PRPF6: variants seen among roughly 807,000 people sequenced by gnomAD.
PRPF6 encodes the protein pre-mRNA processing factor 6.
PRPF6 carries 42 observed loss-of-function variants against 118.3 expected under a neutral mutation model. The observed-to-expected ratio is 0.35, with a 90% confidence interval of 0.28 to 0.46. The LOEUF (loss-of-function observed/expected upper bound fraction) is 0.46. Ranked by LOEUF, PRPF6 falls within the 20% of genes least tolerant of loss-of-function variation. The pLI, the probability that PRPF6 is intolerant of heterozygous loss-of-function variation, is 1.00. For missense variants in PRPF6, 662 were observed against 1,255.7 expected, an observed-to-expected ratio of 0.53 and a Z score of 7.15; for synonymous variants, 481 against 485.1, an observed-to-expected ratio of 0.99 and a Z score of 0.11.
chr20:63,986,488 TC>T (rs1469945210), intron 3 of PRPF6, among the ~76,000 whole-genome samples: 13 of 150,292 alleles, frequency 8.6e-5, no homozygotes, highest in Non-Finnish European at 1.6e-4. Context: ...AACCATATGA[TC>T]TTTTTTTTTT....
chr20:64,031,884 C>T, intron 19 of PRPF6, 34 bp from the exon 20 acceptor site: 1 of 1,613,904 alleles, frequency 6.2e-7, no homozygotes, highest in Non-Finnish European at 8.5e-7. Flanking sequence ...CCTGCAGCCA[C>T]TCACTCTGGG....
chr20:64,019,019 T>C (rs989740388), intron 12 of PRPF6, among the ~76,000 whole-genome samples: 1 of 151,930 alleles, frequency 6.6e-6, no homozygotes, highest in Non-Finnish European at 1.5e-5. Context: ...TCCTGCCCCA[T>C]GTATGCTAAA....
chr20:64,033,096 C>T lies in PRPF6; in HGVS notation c.*103C>T. 6.6e-7 allele frequency: 1 copy of T among 1,519,636 alleles called. No individual in the cohort carries two copies. The highest frequency in any genetic ancestry group is 1.2e-5 in the South Asian group (1 of 85,726). 94.1% of individuals were successfully genotyped at this position (1,519,636 alleles called of 1,614,324 possible). A position where few individuals can be genotyped will look rare whatever the true frequency, so the allele number is the denominator to read the frequency against. ...CATTAAAAGTTTTTATGTCTCGTGT[C>T]AGAACAGGCAGCCTGCTGGTTTTCT... On this transcript the variant is annotated 3_prime_UTR_variant, in exon 21 of 21. Coordinates refer to ENST00000266079, the MANE Select transcript of PRPF6 (RefSeq NM_012469.4).
intron 11 of PRPF6, among the ~76,000 whole-genome samples, chr20:64,016,328 C>G (rs1467790991): frequency 6.6e-6 from 1 of 151,984 alleles, no homozygotes; most frequent in Non-Finnish European, 1.5e-5. Flanking sequence ...AGGGTTTCAC[C>G]AGGTTGGCCA....
At chr20:64,024,457 A>T in intron 13 of PRPF6, 98 bp from the exon 14 acceptor site, 1 of 1,484,374 alleles carries the variant, frequency 6.7e-7, no homozygotes, top group South Asian at 1.1e-5. Context: ...ACTTTGGAGC[A>T]GTAACTGTCT....
At chr20:64,009,544 G>A (rs1159156613) in intron 9 of PRPF6, among the ~76,000 whole-genome samples, 1 of 152,084 alleles carries the variant, frequency 6.6e-6, no homozygotes, top group Non-Finnish European at 1.5e-5. Context: ...CCAATATGGT[G>A]AAACCCCGTC....
rs368101002 is a variant in PRPF6, at chr20:64,027,205, C to T, written c.2205+47C>T. On this transcript the variant is annotated intron_variant, in intron 16 of 20. Transcript: ENST00000266079. This position sits in a 1 kb window ranked among gnomAD's most constrained non-coding sequence, Gnocchi z 6.5. Reference sequence around the variant, plus strand: ...GGGGCTGCAGCTGACCCGGCATTCACAAAACTGAGCCCCCTGGTGCAGGGT... The same window carrying T: ...GGGGCTGCAGCTGACCCGGCATTCATAAAACTGAGCCCCCTGGTGCAGGGT... 1.0e-5 allele frequency: 16 copies of T among 1,605,196 alleles called. No homozygotes were observed. The African/African-American group carries it at 2.1e-4, about 21-fold the overall frequency.
rs1197425136 is a variant in PRPF6 at position 64,028,108 on chromosome 20, G to C, written c.2340-370G>C. ...CTGCTAGGTGCAGGCTCTGTTCATG[G>C]AGGTGCTGCGTCCAGCTCAGGGTGA... On this transcript the variant is annotated intron_variant, in intron 17 of 20. Coordinates refer to ENST00000266079, the MANE Select transcript of PRPF6 (RefSeq NM_012469.4). The surrounding 1 kb of genome is among the most constrained non-coding windows in gnomAD (Gnocchi z 6.5). Among the ~76,000 whole-genome samples, 1 of 152,168 alleles carries C rather than the reference G, an allele frequency of 6.6e-6. No homozygotes were observed. Among genetic ancestry groups the C allele is most frequent in the Non-Finnish European group, 1.5e-5 (1 of 68,028 alleles).
At chr20:63,995,229 T>A in intron 5 of PRPF6, 98 bp from the exon 6 acceptor site, 1 of 1,569,892 alleles carries the variant, frequency 6.4e-7, no homozygotes, top group South Asian at 1.1e-5. Context: ...CAGCTGTGCA[T>A]ATGTCAGGCC....
Position 63,983,034 on chromosome 20 carries a change from G to A in PRPF6, c.72-13G>A. ...GTTATTCAGACACCCGGTGTCTTGG[G>A]GGTCTCCTGCAGCGCCACTGGCTTC... On this transcript the variant is annotated splice_polypyrimidine_tract_variant and intron_variant, in intron 1 of 20. Coordinates refer to ENST00000266079, the MANE Select transcript of PRPF6 (RefSeq NM_012469.4). 2 of 1,613,574 alleles carry A rather than the reference G, an allele frequency of 1.2e-6. No homozygotes were observed. Among genetic ancestry groups the A allele is most frequent in the Non-Finnish European group, 1.7e-6 (2 of 1,179,828 alleles).
intron 7 of PRPF6, 39 bp downstream of exon 7, chr20:63,999,178 T>A: frequency 6.4e-7 from 1 of 1,552,736 alleles, no homozygotes; most frequent in Admixed American, 1.7e-5. Context: ...GGATGGAGAC[T>A]CTAGTTGCCT....
intron 3 of PRPF6, among the ~76,000 whole-genome samples, chr20:63,985,502 G>A (rs1273181819): frequency 6.6e-6 from 1 of 152,204 alleles, no homozygotes; most frequent in Non-Finnish European, 1.5e-5. Context: ...AACAGCCTTA[G>A]GGCCTGGGGG....
chr20:63,993,045 G>A (rs542577250), intron 3 of PRPF6, among the ~76,000 whole-genome samples: 75 of 151,750 alleles, frequency 4.9e-4, no homozygotes, highest in African/African-American at 1.6e-3. Context: ...GTGAAACCCC[G>A]TCTCTACTAA....
chr20:64,004,733 G>T (rs2059182158), intron 9 of PRPF6, among the ~76,000 whole-genome samples: 1 of 152,194 alleles, frequency 6.6e-6, no homozygotes. Flanking sequence ...TGCAGCATGT[G>T]AGCTTCCTGG....
At chr20:64,005,549 G>C (rs1231133954) in intron 9 of PRPF6, among the ~76,000 whole-genome samples, 1 of 151,978 alleles carries the variant, frequency 6.6e-6, no homozygotes, top group Admixed American at 6.6e-5. Flanking sequence ...ACCCTGCTTG[G>C]TCAGGGTTCT....
Position 64,028,485 on chromosome 20 carries a change from T to TCCGTGCGGCTGGAGTA in PRPF6, c.2356_2371dup (p.Gly791AlafsTer31). On this transcript the variant is annotated frameshift_variant, in exon 18 of 21. Coordinates refer to ENST00000266079, the MANE Select transcript of PRPF6 (RefSeq NM_012469.4). LOFTEE classifies it high-confidence loss of function. The surrounding 1 kb of genome is among the most constrained non-coding windows in gnomAD (Gnocchi z 6.5). ...GGGGGCCTGTCTCCTCAGGTTGGAG[T>TCCGTGCGGCTGGAGTA]CCGTGCGGCTGGAGTACCGTGCGGG... is the stretch of plus-strand genomic sequence containing the variant. The TCCGTGCGGCTGGAGTA allele has an allele frequency of 1.9e-6, 3 of 1,613,706 alleles. No homozygotes were observed. Among genetic ancestry groups the TCCGTGCGGCTGGAGTA allele is most frequent in the Non-Finnish European group, 2.5e-6 (3 of 1,179,944 alleles).
rs1021781478 is a variant in PRPF6, at chr20:64,032,886, C to T, written c.2719C>T (p.Arg907Trp). 1.9e-6 allele frequency: 3 copies of T among 1,612,888 alleles called. No individual in the cohort carries two copies. The highest frequency in any genetic ancestry group is 2.5e-6 in the Non-Finnish European group (3 of 1,179,900). ...GAAGCGCTGTGAGAGTGCAGAGCCT[C>T]GGCATGGGGAGCTGTGGTGCGCCGT... is the stretch of plus-strand genomic sequence containing the variant. ...VRKRCESAEP[R>W]HGELWCAVSK... Residue 907 changes from arginine (R) to tryptophan (W), a missense_variant, in exon 21 of 21, where the codon CGG (arginine) becomes TGG (tryptophan). Around this residue, in one of 10 missense-constraint regions of PRPF6, gnomAD observed 244 missense variants for 383.7 expected, o/e 0.64. Transcript: ENST00000266079.
chr20:64,025,428 G>C (rs534553661), intron 14 of PRPF6, among the ~76,000 whole-genome samples: 1 of 152,340 alleles, frequency 6.6e-6, no homozygotes, highest in South Asian at 2.1e-4. Flanking sequence ...GTGTCCACTG[G>C]GCTCTGGGCT....
intron 12 of PRPF6, among the ~76,000 whole-genome samples, chr20:64,021,289 C>CGTGTGT (rs58839408): frequency 6.5e-5 from 9 of 138,998 alleles, no homozygotes; most frequent in African/African-American, 2.1e-4. Flanking sequence ...CAGCCCCGTG[C>CGTGTGT]GTGTGTGTGT....
Sources: gnomAD v4.1 joint callset for allele counts (sites outside exome capture counted in the v4.1 genomes callset) on GRCh38, gnomAD v4.1.1 for gene constraint, gnomAD v4.1.1 regional missense constraint, Gnocchi (gnomAD v3.1) non-coding constraint, MANE v1.5 for transcripts, NCBI Gene and HGNC (gene_info 2026-07-23, HGNC 2026-07-21) for gene names.